ATP2C2: variants seen among roughly 807,000 people sequenced by gnomAD.
The protein encoded by ATP2C2 is calcium-transporting ATPase type 2C member 2.
ATP2C2 carries 171 observed loss-of-function variants against 110.8 expected under a neutral mutation model. The ratio of observed to expected loss-of-function variants is 1.54; its 90% confidence interval spans 1.36 to 1.75. The LOEUF (loss-of-function observed/expected upper bound fraction) is 1.75. Ranked by LOEUF, ATP2C2 falls within the 40% of genes most tolerant of loss-of-function variation. ATP2C2 has a pLI of 0.00. For missense variants in ATP2C2, 1,963 were observed against 1,235.0 expected (o/e 1.59, Z -8.84); for synonymous variants, 804 against 508.4 (o/e 1.58, Z -7.82).
At position 84,444,923 on chromosome 16, in the gene ATP2C2, G is replaced by A. The variant is rs543206978; in HGVS notation, c.1402-1406G>A. The stretch of plus-strand genomic sequence containing the variant: ...CACTGAGGCCAGGCCAGTGGTTCCC[G>A]GGCTTTTCTTCCATTATTGCTCCTG... On this transcript the variant is annotated intron_variant, in intron 15 of 26. Transcript: ENST00000262429. Among the ~76,000 whole-genome samples the A allele has an allele frequency of 2.6e-5, 4 of 152,242 alleles. No individual in the cohort carries two copies. The South Asian group carries it at 6.2e-4, about 24-fold the overall frequency.
intron 1 of ATP2C2, among the ~76,000 whole-genome samples, chr16:84,390,880 G>A (rs11865498): frequency 1.3e-4 from 20 of 152,284 alleles, no homozygotes; most frequent in Admixed American, 1.2e-3. Flanking sequence ...TTGGGAGGCC[G>A]AGGTGGGCGG....
chr16:84,408,575 A>G lies in ATP2C2; in HGVS notation c.417+81A>G, dbSNP rs928382039. 22 of 1,144,792 alleles carry G rather than the reference A, an allele frequency of 1.9e-5. No homozygotes were observed. In the Admixed American group the frequency reaches 2.5e-4, roughly 13 times the overall value. 70.9% of individuals were successfully genotyped at this position (1,144,792 alleles called of 1,614,324 possible). A position where few individuals can be genotyped will look rare whatever the true frequency, so the allele number is the denominator to read the frequency against. On this transcript the variant is annotated intron_variant, in intron 4 of 26. Coordinates refer to ENST00000262429, the MANE Select transcript of ATP2C2 (RefSeq NM_014861.4). ...CTCTGCTTGTTATTGTATATAAAGA[A>G]AAAAAAGAGTTTGCTGTAGGGGGGA...
At chr16:84,423,320 A>AG (rs1401397907) in intron 10 of ATP2C2, 57 bp downstream of exon 10, 8 of 1,523,644 alleles carry the variant, frequency 5.3e-6, no homozygotes, top group Non-Finnish European at 7.3e-6. Flanking sequence ...GAGCCATCAT[A>AG]GGGGGGTTGC....
chr16:84,419,154 GCC>G (rs200254008), intron 7 of ATP2C2, among the ~76,000 whole-genome samples: 2 of 144,354 alleles, frequency 1.4e-5, no homozygotes, highest in East Asian at 2.1e-4. Flanking sequence ...GTTTTAGTGA[GCC>G]GAGATTGCAC....
chr16:84,371,606 T>C (rs1909957917), intron 1 of ATP2C2, among the ~76,000 whole-genome samples: 1 of 152,204 alleles, frequency 6.6e-6, no homozygotes, highest in South Asian at 2.1e-4. Flanking sequence ...AGGAAGAGAT[T>C]GGAGCAGAAA....
chr16:84,417,260 T>C (rs1597798029), intron 7 of ATP2C2, among the ~76,000 whole-genome samples: 1 of 152,110 alleles, frequency 6.6e-6, no homozygotes, highest in South Asian at 2.1e-4. Flanking sequence ...GGGGCTGCCG[T>C]ACTGCAGTGT....
chr16:84,433,296 T>A (rs982146923), intron 11 of ATP2C2, among the ~76,000 whole-genome samples: 1 of 151,992 alleles, frequency 6.6e-6, no homozygotes, highest in African/African-American at 2.4e-5. Flanking sequence ...GGCGGGAGGA[T>A]TGCTTGAGCC....
intron 6 of ATP2C2, among the ~76,000 whole-genome samples, chr16:84,411,086 A>AT (rs1452512524): frequency 3.3e-5 from 5 of 152,200 alleles, no homozygotes; most frequent in Admixed American, 2.0e-4. Context: ...AACTGTGTGC[A>AT]TTTTTTCTAG....
chr16:84,421,076 G>A (rs1435287966), intron 7 of ATP2C2, among the ~76,000 whole-genome samples: 1 of 152,228 alleles, frequency 6.6e-6, no homozygotes, highest in East Asian at 1.9e-4. Context: ...AAAGTGCTGG[G>A]ATTACAGGTG....
At chr16:84,448,796 G>T in intron 17 of ATP2C2, 107 bp downstream of exon 17, 2 of 1,447,316 alleles carry the variant, frequency 1.4e-6, no homozygotes, top group Non-Finnish European at 1.9e-6. Context: ...GTCCCAAGGA[G>T]TCAGGCAGCA....
In ATP2C2 at chr16:84,405,233, T is replaced by C; in HGVS notation, c.316T>C (p.Tyr106His). 6.2e-7 allele frequency: 1 copy of C among 1,613,448 alleles called. No individual in the cohort carries two copies. Among genetic ancestry groups the C allele is most frequent in the Non-Finnish European group, 8.5e-7 (1 of 1,179,492 alleles). Residue 106 changes from tyrosine (Y) to histidine (H), a missense_variant, in exon 3 of 27, where the codon TAC (tyrosine) becomes CAC (histidine). Transcript: ENST00000262429. ...ADNSEPVWKKYLDQFKNPLIL... is the reference protein window; with the variant it reads ...ADNSEPVWKKHLDQFKNPLIL... ...CAACAGCGAACCTGTGTGGAAGAAA[T>C]ACCTGGATCAGGTAGGACCAGAGGT...
At chr16:84,450,743 T>C (rs570372375) in intron 17 of ATP2C2, among the ~76,000 whole-genome samples, 2 of 152,130 alleles carry the variant, frequency 1.3e-5, no homozygotes, top group South Asian at 4.2e-4. Flanking sequence ...CTGGCTTCTG[T>C]GCCACAGAAA....
intron 3 of ATP2C2, 114 bp from the exon 4 acceptor site, chr16:84,408,291 C>A (rs560788182): frequency 1.0e-6 from 1 of 984,926 alleles, no homozygotes. Context: ...TGGTGTTGAC[C>A]TGGAAGCCTG....
intron 11 of ATP2C2, among the ~76,000 whole-genome samples, chr16:84,432,990 C>CTTT (rs1908414105): frequency 6.6e-6 from 1 of 152,168 alleles, no homozygotes; most frequent in Non-Finnish European, 1.5e-5. Context: ...GTGACTGAGC[C>CTTT]TTTGGAGGCA....
chr16:84,417,243 A>G (rs1184183959), intron 7 of ATP2C2, among the ~76,000 whole-genome samples: 1 of 152,166 alleles, frequency 6.6e-6, no homozygotes, highest in African/African-American at 2.4e-5. Context: ...AGTGAGAGGC[A>G]GGTGTGGGGG....
chr16:84,398,577 T>C lies in ATP2C2; in HGVS notation c.178T>C (p.Cys60Arg), dbSNP rs1348540243. The C allele has an allele frequency of 6.2e-7, 1 of 1,612,472 alleles. No individual in the cohort carries two copies. Among genetic ancestry groups the C allele is most frequent in the African/African-American group, 1.3e-5 (1 of 74,698 alleles). ...CCTGCCCCCCAAGGAAGCGTGCAAATGCCAGAAAGAGGATTTGGCCAGAGC... is the reference window on the plus strand; with the variant it reads ...CCTGCCCCCCAAGGAAGCGTGCAAACGCCAGAAAGAGGATTTGGCCAGAGC... ...TALPPKEACK[C>R]QKEDLARAFC... Residue 60 changes from cysteine (C) to arginine (R), a missense_variant, in exon 2 of 27, where the codon TGC (cysteine) becomes CGC (arginine). Physicochemically the swap from Cys to Arg is radical, Grantham distance 180. Coordinates refer to ENST00000262429, the MANE Select transcript of ATP2C2 (RefSeq NM_014861.4).
chr16:84,419,208 TAAAAAAAAAAAAAAAA>T (rs59552270), intron 7 of ATP2C2, among the ~76,000 whole-genome samples: 7 of 47,494 alleles, frequency 1.5e-4, no homozygotes, highest in South Asian at 1.3e-3. Context: ...ACCCCATCTT[TAAAAAAAAAAAAAAAA>T]AAAAAAAAAA....
intron 1 of ATP2C2, among the ~76,000 whole-genome samples, chr16:84,396,440 C>A (rs998577941): frequency 6.7e-6 from 1 of 149,362 alleles, no homozygotes; most frequent in Non-Finnish European, 1.5e-5. Flanking sequence ...GTCCCAGCTA[C>A]TGGGGAGGGT....
At chr16:84,386,614 C>T (rs1198779782) in intron 1 of ATP2C2, among the ~76,000 whole-genome samples, 1 of 152,170 alleles carries the variant, frequency 6.6e-6, no homozygotes, top group African/African-American at 2.4e-5. Flanking sequence ...GTCACACTCC[C>T]ACTGCGTATG....
Sources: allele counts gnomAD v4.1 joint callset (sites outside exome capture counted in the v4.1 genomes callset), GRCh38; gene constraint gnomAD v4.1.1; transcripts MANE v1.5; gene names NCBI Gene and HGNC (gene_info 2026-07-23, HGNC 2026-07-21).